Variants in MLLT10 observed in about 807,000 individuals in gnomAD.
MLLT10 encodes the protein protein AF-10.
Under a neutral mutation model 129.1 loss-of-function variants are expected in MLLT10, and 30 were observed. That is an observed-to-expected ratio of 0.23 (90% CI 0.17 to 0.32). MLLT10 has a LOEUF of 0.32. Ranked by LOEUF, MLLT10 falls within the 10% of genes least tolerant of loss-of-function variation. The pLI, the probability that MLLT10 is intolerant of heterozygous loss-of-function variation, is 1.00. For synonymous variants in MLLT10, 490 were observed against 446.4 expected (o/e 1.10, Z -1.23); for missense variants, 1,119 against 1,268.3 (o/e 0.88, Z 1.79).
At chr10:21,653,196 C>G (rs945042535) in intron 9 of MLLT10, among the ~76,000 whole-genome samples, 2 of 152,212 alleles carry the variant, frequency 1.3e-5, no homozygotes, top group African/African-American at 4.8e-5. Context: ...TAGGGTCTCT[C>G]AAGGCCAAAA....
At chr10:21,651,908 T>G in intron 9 of MLLT10, 140 bp downstream of exon 9, 1 of 448,480 alleles carries the variant, frequency 2.2e-6, no homozygotes, top group Non-Finnish European at 3.8e-6. Context: ...CATTTCTTTT[T>G]TTTTTTTTTT....
intron 8 of MLLT10, among the ~76,000 whole-genome samples, chr10:21,635,043 T>C (rs1163636211): frequency 1.3e-5 from 2 of 152,230 alleles, no homozygotes; most frequent in Non-Finnish European, 2.9e-5. Context: ...TGTGTCTCTG[T>C]CCTAGAATGG....
chr10:21,651,893 A>G (rs1589438566), intron 9 of MLLT10, 125 bp downstream of exon 9: 2 of 336,764 alleles, frequency 5.9e-6, no homozygotes, highest in African/African-American at 2.3e-5. Flanking sequence ...GGCACTTAGA[A>G]TTCTCATTTC....
chr10:21,588,010 C>A (rs6482188), intron 4 of MLLT10, among the ~76,000 whole-genome samples: 49,831 of 152,086 alleles, frequency 0.33, 8,886 homozygotes, highest in Middle Eastern at 0.45. Context: ...ACTCTTCTGC[C>A]TCTTAATTTA....
chr10:21,614,785 C>G (rs1416450761), intron 6 of MLLT10, 46 bp from the exon 7 acceptor site: 1 of 1,472,024 alleles, frequency 6.8e-7, no homozygotes, highest in South Asian at 1.2e-5. Flanking sequence ...TATACAGGTA[C>G]TGTGATTTTA....
chr10:21,604,369 G>T (rs1244420120), intron 5 of MLLT10, among the ~76,000 whole-genome samples: 1 of 152,074 alleles, frequency 6.6e-6, no homozygotes, highest in Non-Finnish European at 1.5e-5. Flanking sequence ...GCAGGCAGAT[G>T]ACCTGAGGTC....
At chr10:21,568,318 A>G (rs2039824905) in intron 3 of MLLT10, among the ~76,000 whole-genome samples, 1 of 152,208 alleles carries the variant, frequency 6.6e-6, no homozygotes, top group East Asian at 1.9e-4. Flanking sequence ...TATTTATAAT[A>G]TTCACATTTT....
chr10:21,686,234 G>A (rs2053279270), intron 13 of MLLT10, among the ~76,000 whole-genome samples: 1 of 152,066 alleles, frequency 6.6e-6, no homozygotes, highest in Non-Finnish European at 1.5e-5. Context: ...TTCTTTTATA[G>A]GCATCGATTT....
In MLLT10 at chr10:21,549,609, A is replaced by G. The variant is rs566519847; in HGVS notation, c.240+10697A>G. On this transcript the variant is annotated intron_variant, in intron 3 of 22. Transcript: ENST00000307729. ...ACTACAAAAGAAGTCCCAGGCAGAAAGAAGGGGAGAGGGTAAGCTTCAAGT... is the reference window on the plus strand; with the variant it reads ...ACTACAAAAGAAGTCCCAGGCAGAAGGAAGGGGAGAGGGTAAGCTTCAAGT... Among the ~76,000 whole-genome samples the G allele has an allele frequency of 2.6e-5, 4 of 151,786 alleles. No individual in the cohort carries two copies. The South Asian group carries it at 6.2e-4, about 24-fold the overall frequency.
chr10:21,738,254 C>T (rs777375355), intron 21 of MLLT10, among the ~76,000 whole-genome samples: 45 of 151,480 alleles, frequency 3.0e-4, no homozygotes, highest in Non-Finnish European at 4.9e-4. Flanking sequence ...ACAACTAGAG[C>T]GAGACTCGGT....
intron 11 of MLLT10, among the ~76,000 whole-genome samples, chr10:21,674,398 A>G (rs904896529): frequency 6.6e-6 from 1 of 152,136 alleles, no homozygotes; most frequent in African/African-American, 2.4e-5. Context: ...ATCCTGAGAC[A>G]TTTTTATATC....
intron 5 of MLLT10, among the ~76,000 whole-genome samples, chr10:21,604,870 T>G (rs1014668503): frequency 6.6e-6 from 1 of 152,086 alleles, no homozygotes; most frequent in African/African-American, 2.4e-5. Flanking sequence ...CCATTTTTTT[T>G]TTTTCTTATG....
chr10:21,694,375 T>C (rs1212515094), intron 13 of MLLT10, among the ~76,000 whole-genome samples: 1 of 152,228 alleles, frequency 6.6e-6, no homozygotes, highest in East Asian at 1.9e-4. Flanking sequence ...AGGAATTTTA[T>C]AGAAATTATC....
intron 4 of MLLT10, among the ~76,000 whole-genome samples, chr10:21,592,706 C>T (rs1379341337): frequency 3.9e-5 from 6 of 152,152 alleles, no homozygotes; most frequent in South Asian, 2.1e-4. Context: ...TCTCTTCATC[C>T]GCCCGCCTTG....
At chr10:21,713,664 T>A in intron 13 of MLLT10, 108 bp from the exon 14 acceptor site, 1 of 918,834 alleles carries the variant, frequency 1.1e-6, no homozygotes, top group South Asian at 1.9e-5. Flanking sequence ...ACAATAAGAT[T>A]TATAATTGGA....
chr10:21,547,686 A>G (rs540037735), intron 3 of MLLT10, among the ~76,000 whole-genome samples: 9 of 151,792 alleles, frequency 5.9e-5, no homozygotes, highest in African/African-American at 1.9e-4. Context: ...CTACAGGCAC[A>G]TGCCACCTTG....
chr10:21,702,940 G>A (rs982993747), intron 13 of MLLT10, among the ~76,000 whole-genome samples: 8 of 152,092 alleles, frequency 5.3e-5, no homozygotes, highest in African/African-American at 7.2e-5. Flanking sequence ...TTATTGATAT[G>A]TGAGGTTTTG....
At chr10:21,625,776 C>G (rs1453290385) in intron 8 of MLLT10, 11 of 768,176 alleles carry the variant, frequency 1.4e-5, no homozygotes, top group Non-Finnish European at 2.4e-5. Flanking sequence ...CACAGTTTCA[C>G]AGCTTCCTGT....
chr10:21,568,740 C>G (rs1371720871), intron 3 of MLLT10, among the ~76,000 whole-genome samples: 1 of 152,128 alleles, frequency 6.6e-6, no homozygotes. Context: ...CGGGTTCAAG[C>G]AGTTCTCTGC....
Sources: allele counts gnomAD v4.1 joint callset (sites outside exome capture counted in the v4.1 genomes callset), GRCh38; gene constraint gnomAD v4.1.1; transcripts MANE v1.5; gene names NCBI Gene and HGNC (gene_info 2026-07-23, HGNC 2026-07-21).